Variants in PCLO observed in about 807,000 individuals in gnomAD.
PCLO encodes protein piccolo.
PCLO carries 82 observed loss-of-function variants against 427.5 expected under a neutral mutation model. That is an observed-to-expected ratio of 0.19 (90% confidence interval 0.16 to 0.23). The LOEUF (loss-of-function observed/expected upper bound fraction) is 0.23. PCLO is among the 10% of genes least tolerant of loss of function. The probability of loss-of-function intolerance (pLI) is 1.00; values close to 1 mark genes in which losing one functional copy is unlikely to be tolerated. For missense variants in PCLO, 6,239 were observed against 6,115.9 expected (o/e 1.02, Z -0.67); for synonymous variants, 2,357 against 2,155.4 (o/e 1.09, Z -2.59).
chr7:83,005,969 G>A (rs895592304), intron 3 of PCLO, among the ~76,000 whole-genome samples: 1 of 151,584 alleles, frequency 6.6e-6, no homozygotes, highest in South Asian at 2.1e-4. Flanking sequence ...AAAGTCAAAA[G>A]TATGAATTTT....
In PCLO at chr7:83,124,316, T is replaced by C. The variant is rs1412583699; in HGVS notation, c.3300+9934A>G. Among the ~76,000 whole-genome samples, 3 of 145,310 alleles carry C rather than the reference T, an allele frequency of 2.1e-5. No homozygotes were observed. The East Asian group carries it at 6.1e-4, about 29-fold the overall frequency. ...TTGCAGTGAGCCGAGATAGCACCAC[T>C]GTACTCCAGCCTGGGCGGAAGAGCG... is the stretch of plus-strand genomic sequence containing the variant. On this transcript the variant is annotated intron_variant, in intron 3 of 24. Transcript: ENST00000333891.
chr7:82,917,527 C>T (rs1288238262), intron 6 of PCLO, among the ~76,000 whole-genome samples: 3 of 152,000 alleles, frequency 2.0e-5, no homozygotes, highest in Non-Finnish European at 4.4e-5. Context: ...GGTGAGTTTT[C>T]AGATATTTTT....
intron 22 of PCLO, among the ~76,000 whole-genome samples, chr7:82,789,498 G>C (rs1409366631): frequency 6.6e-6 from 1 of 152,152 alleles, no homozygotes; most frequent in Non-Finnish European, 1.5e-5. Context: ...CTGAGGTCAG[G>C]AGTTTGAGAC....
intron 3 of PCLO, among the ~76,000 whole-genome samples, chr7:83,049,464 A>G (rs1472886768): frequency 6.6e-6 from 1 of 152,138 alleles, no homozygotes; most frequent in Non-Finnish European, 1.5e-5. Flanking sequence ...TATCCTAAAG[A>G]ACCATCTTAA....
chr7:83,151,187 T>G (rs1792119597), intron 2 of PCLO, among the ~76,000 whole-genome samples: 1 of 152,106 alleles, frequency 6.6e-6, no homozygotes, highest in Non-Finnish European at 1.5e-5. Flanking sequence ...TTTGATTGCG[T>G]TTTTTCTTAT....
chr7:82,996,041 T>C (rs888790515), intron 3 of PCLO, among the ~76,000 whole-genome samples: 4 of 151,866 alleles, frequency 2.6e-5, no homozygotes, highest in African/African-American at 9.7e-5. Flanking sequence ...TTACATGTTA[T>C]AGCTTTTATA....
intron 3 of PCLO, among the ~76,000 whole-genome samples, chr7:83,090,063 G>A (rs10278156): frequency 0.035 from 5,321 of 152,164 alleles, 310 homozygotes; most frequent in African/African-American, 0.12. Context: ...CCAGCACTTT[G>A]GGAGGCCGAG....
In PCLO at chr7:82,949,823, C is replaced by T; in HGVS notation, c.10765G>A (p.Asp3589Asn). 1.2e-6 allele frequency: 2 copies of T among 1,613,746 alleles called. No individual in the cohort carries two copies. ...QYLSATSPPKDKKRPTPLEIG... is the reference protein window; with the variant it reads ...QYLSATSPPKNKKRPTPLEIG... ...TCTAAAGGTGTTGGGCGTTTCTTGT[C>T]TTTGGGTGGAGATGTGGCACTCAGA... Residue 3589 changes from aspartate (D) to asparagine (N), a missense_variant, in exon 6 of 25, where the codon GAC becomes AAC. By Grantham distance (23) the Asp-to-Asn change is conservative (BLOSUM62 1). Around this residue, in one of 5 missense-constraint regions of PCLO, gnomAD observed 4,677 missense variants for 4,468.4 expected, o/e 1.05. Transcript: ENST00000333891.
At chr7:83,152,922 A>C (rs2116678158) in intron 2 of PCLO, among the ~76,000 whole-genome samples, 1 of 152,298 alleles carries the variant, frequency 6.6e-6, no homozygotes, top group East Asian at 1.9e-4. Context: ...ATAACAGAAT[A>C]TCTTCCACAT....
intron 3 of PCLO, among the ~76,000 whole-genome samples, chr7:83,031,376 G>A (rs17157051): frequency 0.016 from 2,474 of 152,134 alleles, 78 homozygotes; most frequent in African/African-American, 0.057. Context: ...GAAACGATCT[G>A]GAGTCCATAA....
At chr7:82,917,953 TTAA>T (rs1794505935) in intron 6 of PCLO, among the ~76,000 whole-genome samples, 1 of 152,036 alleles carries the variant, frequency 6.6e-6, no homozygotes, top group South Asian at 2.1e-4. Flanking sequence ...ATTAATTTCC[TTAA>T]TAATTTTTAT....
chr7:83,102,060 T>C (rs1434655329), intron 3 of PCLO, among the ~76,000 whole-genome samples: 1 of 152,036 alleles, frequency 6.6e-6, no homozygotes, highest in East Asian at 1.9e-4. Flanking sequence ...AATTGTTATA[T>C]GCCTTGTAAG....
At chr7:83,098,476 T>C (rs60345739) in intron 3 of PCLO, among the ~76,000 whole-genome samples, 3,933 of 152,252 alleles carry the variant, frequency 0.026, 77 homozygotes, top group Non-Finnish European at 0.029. Context: ...CTCGATAACA[T>C]GACAACTGTA....
chr7:82,862,566 C>CAAAAAAA (rs36075501), intron 10 of PCLO, among the ~76,000 whole-genome samples: 3 of 92,204 alleles, frequency 3.3e-5, no homozygotes, highest in Non-Finnish European at 6.4e-5. Flanking sequence ...GACTCTGCCT[C>CAAAAAAA]AAAAAAAAAA....
At chr7:82,957,492 A>T (rs2115587075) in intron 4 of PCLO, among the ~76,000 whole-genome samples, 1 of 152,348 alleles carries the variant, frequency 6.6e-6, no homozygotes, top group South Asian at 2.1e-4. Flanking sequence ...ATTCTTGTCA[A>T]ATGATTCAAA....
chr7:83,057,348 ATTTTTTTTTTTTTTTTTT>A (rs1199445166), intron 3 of PCLO, among the ~76,000 whole-genome samples: 1 of 19,634 alleles, frequency 5.1e-5, no homozygotes, highest in Non-Finnish European at 9.0e-5. Context: ...ATATATATAT[ATTTTTTTTTTTTTTTTTT>A]TTTTTTTTTT....
At chr7:82,877,838 G>T (rs1321928080) in intron 10 of PCLO, among the ~76,000 whole-genome samples, 1 of 151,976 alleles carries the variant, frequency 6.6e-6, no homozygotes, top group Non-Finnish European at 1.5e-5. Context: ...GGTAATTTTT[G>T]TATTTTGTTT....
At chr7:82,913,665 A>G (rs1230215522) in intron 7 of PCLO, among the ~76,000 whole-genome samples, 2 of 151,730 alleles carry the variant, frequency 1.3e-5, no homozygotes, top group Non-Finnish European at 2.9e-5. Context: ...GGACTAGATA[A>G]TTTTCAAAAA....
intron 22 of PCLO, among the ~76,000 whole-genome samples, chr7:82,791,659 T>C (rs887022897): frequency 1.3e-5 from 2 of 152,188 alleles, no homozygotes; most frequent in Non-Finnish European, 2.9e-5. Flanking sequence ...CTCGTGTCCA[T>C]AGTACTTTCT....
Sources: gnomAD v4.1 joint callset for allele counts (sites outside exome capture counted in the v4.1 genomes callset) on GRCh38, gnomAD v4.1.1 for gene constraint, gnomAD v4.1.1 regional missense constraint, MANE v1.5 for transcripts, NCBI Gene and HGNC (gene_info 2026-07-23, HGNC 2026-07-21) for gene names.